STXBP5L: variants seen among roughly 807,000 people sequenced by gnomAD.
STXBP5L encodes syntaxin binding protein 5L.
Under a neutral mutation model 144.5 loss-of-function variants are expected in STXBP5L, and 65 were observed. The observed-to-expected ratio is 0.45, with a 90% CI of 0.37 to 0.55. STXBP5L has a LOEUF of 0.55. STXBP5L is among the 20% of genes least tolerant of loss of function. STXBP5L has a pLI of 0.00. For synonymous variants in STXBP5L, 505 were observed against 469.6 expected, an observed-to-expected ratio of 1.08 and a Z score of -0.97; for missense variants, 1,298 against 1,405.5, an observed-to-expected ratio of 0.92 and a Z score of 1.22.
chr3:121,310,528 G>T (rs9289168), intron 19 of STXBP5L, among the ~76,000 whole-genome samples: 119,470 of 151,876 alleles, frequency 0.79, 47,215 homozygotes, highest in East Asian at 0.93. Flanking sequence ...GGCAGGAGAG[G>T]GGCATGAACC....
chr3:121,049,470 G>A (rs1947780236), intron 5 of STXBP5L, among the ~76,000 whole-genome samples: 1 of 152,148 alleles, frequency 6.6e-6, no homozygotes, highest in East Asian at 1.9e-4. Flanking sequence ...TTTACTGAGT[G>A]TCTACGATTG....
intron 10 of STXBP5L, among the ~76,000 whole-genome samples, chr3:121,208,467 G>T (rs1237213391): frequency 6.6e-6 from 1 of 151,876 alleles, no homozygotes; most frequent in Admixed American, 6.6e-5. Flanking sequence ...AAGTACCCTA[G>T]AACTTAAAGT....
chr3:120,963,829 A>G (rs74773170), intron 3 of STXBP5L, among the ~76,000 whole-genome samples: 3 of 152,204 alleles, frequency 2.0e-5, no homozygotes, highest in Non-Finnish European at 4.4e-5. Context: ...ATTGATTGAA[A>G]TACTTTCAGA....
At chr3:120,964,699 C>T (rs532721192) in intron 3 of STXBP5L, among the ~76,000 whole-genome samples, 2 of 152,130 alleles carry the variant, frequency 1.3e-5, no homozygotes, top group Admixed American at 1.3e-4. Context: ...AATTATGTGG[C>T]CAATTTTGAA....
intron 3 of STXBP5L, among the ~76,000 whole-genome samples, chr3:120,993,444 T>C (rs529039757): frequency 1.3e-5 from 2 of 152,270 alleles, no homozygotes; most frequent in African/African-American, 4.8e-5. Flanking sequence ...GTTCCAGGTC[T>C]TATGTTTAAG....
At chr3:121,409,711 G>T (rs1048624681) in intron 23 of STXBP5L, among the ~76,000 whole-genome samples, 16 of 152,042 alleles carry the variant, frequency 1.1e-4, no homozygotes, top group South Asian at 1.0e-3. Context: ...CATAAATAAA[G>T]GTTTTGGAAC....
intron 19 of STXBP5L, among the ~76,000 whole-genome samples, chr3:121,292,449 AACT>A (rs1325407403): frequency 6.6e-6 from 1 of 152,208 alleles, no homozygotes; most frequent in Non-Finnish European, 1.5e-5. Context: ...TAGGAATGTA[AACT>A]ACTACAACTA....
intron 19 of STXBP5L, among the ~76,000 whole-genome samples, chr3:121,281,377 C>A (rs338982): frequency 0.63 from 94,856 of 151,694 alleles, 29,844 homozygotes; most frequent in East Asian, 0.8. Flanking sequence ...GACAAAATAA[C>A]AAGCAACTGT....
chr3:121,195,410 C>T (rs572971090), intron 9 of STXBP5L, among the ~76,000 whole-genome samples: 1 of 152,242 alleles, frequency 6.6e-6, no homozygotes, highest in African/African-American at 2.4e-5. Context: ...TCCATCGCGT[C>T]ACATAATTGT....
intron 3 of STXBP5L, among the ~76,000 whole-genome samples, chr3:121,008,221 G>T (rs1944496713): frequency 6.6e-6 from 1 of 151,880 alleles, no homozygotes; most frequent in African/African-American, 2.4e-5. Flanking sequence ...ACTTTTAGTA[G>T]CAACAACTCT....
At chr3:121,319,939 G>A (rs995904594) in intron 20 of STXBP5L, among the ~76,000 whole-genome samples, 7 of 152,048 alleles carry the variant, frequency 4.6e-5, no homozygotes, top group African/African-American at 1.7e-4. Context: ...GCAACATAGT[G>A]AGACCCTGTC....
At chr3:121,133,105 T>A (rs760058705) in intron 7 of STXBP5L, among the ~76,000 whole-genome samples, 2 of 152,112 alleles carry the variant, frequency 1.3e-5, no homozygotes, top group Non-Finnish European at 2.9e-5. Context: ...TATGGTGGCT[T>A]ATGCCTGTAT....
chr3:121,350,916 A>G (rs765460212), intron 20 of STXBP5L, among the ~76,000 whole-genome samples: 5 of 152,042 alleles, frequency 3.3e-5, no homozygotes, highest in African/African-American at 4.8e-5. Flanking sequence ...TTCCTCCTTT[A>G]GGTCTGAGTA....
chr3:121,390,370 G>A (rs564891013), intron 22 of STXBP5L, among the ~76,000 whole-genome samples: 1 of 152,058 alleles, frequency 6.6e-6, no homozygotes, highest in Non-Finnish European at 1.5e-5. Flanking sequence ...TTTAATTGGG[G>A]CATTTAGCTC....
At chr3:121,093,882 CT>C (rs1175913367) in intron 5 of STXBP5L, among the ~76,000 whole-genome samples, 4 of 152,148 alleles carry the variant, frequency 2.6e-5, no homozygotes, top group Non-Finnish European at 5.9e-5. Flanking sequence ...AATTTTGGAT[CT>C]TTCCTGCTTT....
Position 121,424,245 on chromosome 3 carries a change from A to C in STXBP5L, c.*5148A>C, listed in dbSNP as rs1241770451. The C allele has an allele frequency of 6.6e-6, 1 of 152,124 alleles. No individual in the cohort carries two copies. Among genetic ancestry groups the C allele is most frequent in the Non-Finnish European group, 1.5e-5 (1 of 68,028 alleles). The allele number at this position is 152,124 out of a possible 1,614,324, so 9.4% of individuals were successfully genotyped here. A position where few individuals can be genotyped will look rare whatever the true frequency, so the allele number is the denominator to read the frequency against. On this transcript the variant is annotated 3_prime_UTR_variant, in exon 27 of 27. Transcript: ENST00000471454. The stretch of plus-strand genomic sequence containing the variant: ...ATCTTCCTTTTTGATTGTTATCTCA[A>C]TCAAAAGCTCCCAGGGCCACTTGGA...
chr3:120,970,229 C>T (rs1037870310), intron 3 of STXBP5L, among the ~76,000 whole-genome samples: 4 of 152,070 alleles, frequency 2.6e-5, no homozygotes, highest in African/African-American at 9.7e-5. Context: ...CTTACTTATT[C>T]AAATTACAGT....
At chr3:120,991,027 A>G (rs1175646944) in intron 3 of STXBP5L, among the ~76,000 whole-genome samples, 1 of 152,010 alleles carries the variant, frequency 6.6e-6, no homozygotes, top group Non-Finnish European at 1.5e-5. Flanking sequence ...AGAAACTACC[A>G]TCAGAGTGAA....
chr3:121,123,823 A>G (rs906871440), intron 7 of STXBP5L, among the ~76,000 whole-genome samples: 4 of 151,890 alleles, frequency 2.6e-5, no homozygotes, highest in African/African-American at 9.6e-5. Flanking sequence ...TACTTCTTGT[A>G]TATCAGTTTT....
Sources: allele counts gnomAD v4.1 joint callset (sites outside exome capture counted in the v4.1 genomes callset), GRCh38; gene constraint gnomAD v4.1.1; transcripts MANE v1.5; gene names NCBI Gene and HGNC (gene_info 2026-07-23, HGNC 2026-07-21).